The following TAFA5 variants were observed in gnomAD, a reference collection of about 807,000 sequenced individuals.
TAFA5 encodes chemokine-like protein TAFA-5.
TAFA5 carries 6 observed loss-of-function variants against 15.3 expected under a neutral mutation model. That is an observed-to-expected ratio of 0.39 (90% CI 0.21 to 0.77). The LOEUF is 0.77. Ranked by LOEUF, TAFA5 falls within the 30% of genes least tolerant of loss-of-function variation. The pLI is 0.41. For missense variants in TAFA5, 161 were observed against 193.1 expected (o/e 0.83, Z 0.98); for synonymous variants, 103 against 80.7 (o/e 1.28, Z -1.48).
At chr22:48,681,680 A>T (rs561599319) in intron 2 of TAFA5, among the ~76,000 whole-genome samples, 69 of 152,000 alleles carry the variant, frequency 4.5e-4, no homozygotes, top group African/African-American at 1.6e-3. Context: ...AAGAAAAAAG[A>T]AAAAAACAGA....
intron 1 of TAFA5, among the ~76,000 whole-genome samples, chr22:48,639,155 G>A (rs1380908476): frequency 6.6e-6 from 1 of 152,228 alleles, no homozygotes; most frequent in Non-Finnish European, 1.5e-5. Flanking sequence ...ACAGGCTGGT[G>A]TGTGAGCACT....
chr22:48,741,895 G>T (rs558799466), intron 3 of TAFA5, among the ~76,000 whole-genome samples: 3 of 152,260 alleles, frequency 2.0e-5, no homozygotes, highest in Non-Finnish European at 4.4e-5. Context: ...GAGGAAGGTC[G>T]CTGTGGCTTT....
chr22:48,631,969 G>A (rs1259042936), intron 1 of TAFA5, among the ~76,000 whole-genome samples: 1 of 152,180 alleles, frequency 6.6e-6, no homozygotes, highest in Admixed American at 6.5e-5. Context: ...CGGGTGGCAG[G>A]GGTCCAGCCA....
At chr22:48,687,160 A>G (rs1405089186) in intron 2 of TAFA5, among the ~76,000 whole-genome samples, 1 of 149,876 alleles carries the variant, frequency 6.7e-6, no homozygotes, top group East Asian at 2.0e-4. Flanking sequence ...GGATTGGTGG[A>G]GGGTGGGTGA....
At chr22:48,504,581 G>A (rs574506770) in intron 1 of TAFA5, among the ~76,000 whole-genome samples, 1 of 151,950 alleles carries the variant, frequency 6.6e-6, no homozygotes, top group South Asian at 2.1e-4. Context: ...TTATCATTTG[G>A]GGGGAAGGAC....
intron 1 of TAFA5, among the ~76,000 whole-genome samples, chr22:48,644,267 C>T (rs1273400506): frequency 6.6e-6 from 1 of 152,190 alleles, no homozygotes; most frequent in Non-Finnish European, 1.5e-5. Flanking sequence ...GTGGGAGGGG[C>T]TTGCTGGTGG....
At chr22:48,698,970 C>G (rs539886644) in intron 2 of TAFA5, among the ~76,000 whole-genome samples, 46 of 138,626 alleles carry the variant, frequency 3.3e-4, no homozygotes, top group Middle Eastern at 4.4e-3. Flanking sequence ...GCGACCAAGG[C>G]TCACTCTGTC....
chr22:48,614,594 C>T (rs574496670), intron 1 of TAFA5, among the ~76,000 whole-genome samples: 67 of 152,310 alleles, frequency 4.4e-4, no homozygotes, highest in African/African-American at 1.6e-3. Flanking sequence ...ATGCAGAGGC[C>T]AGACTCACAC....
chr22:48,638,639 C>G (rs868191810), intron 1 of TAFA5, among the ~76,000 whole-genome samples: 2 of 129,880 alleles, frequency 1.5e-5, no homozygotes, highest in African/African-American at 6.0e-5. Context: ...AGGCAACAAC[C>G]CCCCCCACAC....
At chr22:48,741,174 C>A (rs1601710223) in intron 3 of TAFA5, among the ~76,000 whole-genome samples, 1 of 152,154 alleles carries the variant, frequency 6.6e-6, no homozygotes, top group African/African-American at 2.4e-5. Flanking sequence ...GTGATTCCAC[C>A]CCAGCCCCTT....
At chr22:48,618,471 C>T (rs1050921717) in intron 1 of TAFA5, among the ~76,000 whole-genome samples, 1 of 152,240 alleles carries the variant, frequency 6.6e-6, no homozygotes, top group Non-Finnish European at 1.5e-5. Flanking sequence ...CATAAAGTTG[C>T]CGGGGATGGC....
At chr22:48,712,347 G>A (rs927405917) in intron 3 of TAFA5, among the ~76,000 whole-genome samples, 3 of 152,198 alleles carry the variant, frequency 2.0e-5, no homozygotes, top group Non-Finnish European at 4.4e-5. Context: ...GTGAGCCACC[G>A]TGCCGGCCCA....
At chr22:48,692,776 C>T (rs1228870118) in intron 2 of TAFA5, among the ~76,000 whole-genome samples, 1 of 152,156 alleles carries the variant, frequency 6.6e-6, no homozygotes, top group African/African-American at 2.4e-5. Flanking sequence ...GGTGGCCATA[C>T]GAGGGGCGTG....
At chr22:48,707,532 C>G (rs1884349) in intron 2 of TAFA5, among the ~76,000 whole-genome samples, 185 bp from the exon 3 acceptor site, 46,927 of 152,044 alleles carry the variant, frequency 0.31, 7,547 homozygotes, top group East Asian at 0.53. Context: ...AAGCACTAAA[C>G]CAGGAGACCA....
intron 1 of TAFA5, among the ~76,000 whole-genome samples, chr22:48,606,944 TCTGTGCCCA>T (rs1235130486): frequency 6.9e-6 from 1 of 144,096 alleles, no homozygotes; most frequent in African/African-American, 3.0e-5. Context: ...TCGCTTCCAC[TCTGTGCCCA>T]GGGCAAGCAG....
chr22:48,709,100 C>T (rs1929171961), intron 3 of TAFA5, among the ~76,000 whole-genome samples: 1 of 152,136 alleles, frequency 6.6e-6, no homozygotes, highest in Non-Finnish European at 1.5e-5. Flanking sequence ...GGACCTCTTG[C>T]ATTTGTGGAA....
In TAFA5 at chr22:48,584,460, A is replaced by G. The variant is rs570486130; in HGVS notation, c.113-62137A>G. 3.3e-5 allele frequency among the ~76,000 whole-genome samples: 5 copies of G among 149,380 alleles called. No individual in the cohort carries two copies. In the East Asian group the frequency reaches 1.0e-3, roughly 30 times the overall value. ...TAAATACACCACACACGTACACACC[A>G]CACACAAAATATACTACACATTCAC... On this transcript the variant is annotated intron_variant, in intron 1 of 3. Coordinates refer to ENST00000402357, the MANE Select transcript of TAFA5 (RefSeq NM_001082967.3).
intron 3 of TAFA5, among the ~76,000 whole-genome samples, chr22:48,712,594 A>T (rs1377209678): frequency 6.6e-6 from 1 of 152,176 alleles, no homozygotes; most frequent in African/African-American, 2.4e-5. Flanking sequence ...TCCTGTGGGG[A>T]CTGGAGAGAA....
At chr22:48,637,020 G>A (rs989565558) in intron 1 of TAFA5, among the ~76,000 whole-genome samples, 2 of 152,200 alleles carry the variant, frequency 1.3e-5, no homozygotes, top group African/African-American at 2.4e-5. Context: ...GCCAGATGAT[G>A]TGCCTGGCCA....
Sources: allele counts gnomAD v4.1 joint callset (sites outside exome capture counted in the v4.1 genomes callset), GRCh38; gene constraint gnomAD v4.1.1; transcripts MANE v1.5; gene names NCBI Gene and HGNC (gene_info 2026-07-23, HGNC 2026-07-21).